RBPJ: variants seen among roughly 807,000 people sequenced by gnomAD.
RBPJ encodes the protein recombining binding protein suppressor of hairless.
Under a neutral mutation model 67.8 loss-of-function variants are expected in RBPJ, and 9 were observed. That is an observed-to-expected ratio of 0.13 (90% confidence interval 0.08 to 0.23). RBPJ has a LOEUF of 0.23. Among genes scored for constraint, RBPJ ranks in the 10% least tolerant of loss-of-function variants. RBPJ has a pLI of 1.00. For missense variants in RBPJ, 305 were observed against 595.6 expected (o/e 0.51, Z 5.08); for synonymous variants, 198 against 203.3 (o/e 0.97, Z 0.22).
chr4:26,187,469 G>A (rs569905369), intron 1 of RBPJ, among the ~76,000 whole-genome samples: 87 of 151,586 alleles, frequency 5.7e-4, no homozygotes, highest in African/African-American at 1.9e-3. Context: ...ACATCTTCTC[G>A]AAGTAAGTAT....
chr4:26,323,265 T>C (rs1256404113), intron 1 of RBPJ, among the ~76,000 whole-genome samples: 1 of 152,118 alleles, frequency 6.6e-6, no homozygotes, highest in Non-Finnish European at 1.5e-5. Flanking sequence ...AGGTAAAATC[T>C]TGAGCTCACT....
intron 1 of RBPJ, among the ~76,000 whole-genome samples, chr4:26,346,538 A>G (rs1429710974): frequency 2.0e-5 from 3 of 152,208 alleles, no homozygotes; most frequent in East Asian, 3.8e-4. Flanking sequence ...GCTGACATCT[A>G]TGTCTGTAGC....
intron 1 of RBPJ, among the ~76,000 whole-genome samples, chr4:26,286,023 G>A (rs1721451948): frequency 1.4e-5 from 1 of 73,600 alleles, no homozygotes. Context: ...ACTTGCTTGA[G>A]CCCAGGAATT....
At chr4:26,290,211 T>C (rs1721621100) in intron 1 of RBPJ, among the ~76,000 whole-genome samples, 1 of 147,932 alleles carries the variant, frequency 6.8e-6, no homozygotes, top group South Asian at 2.1e-4. Flanking sequence ...TGGTGGTACA[T>C]GCCTGTAGTC....
the RBPJ span, among the ~76,000 whole-genome samples, chr4:26,108,844 A>G: frequency 6.6e-6 from 1 of 152,212 alleles, no homozygotes; most frequent in African/African-American, 2.4e-5. Context: ...GTGGCTTTGC[A>G]CACAGTGTGT....
At chr4:26,410,104 G>T (rs1179683348) in intron 3 of RBPJ, 3 of 451,800 alleles carry the variant, frequency 6.6e-6, no homozygotes, top group Non-Finnish European at 1.3e-5. Context: ...AAACTGCCCT[G>T]GATTCAGAGA....
chr4:26,374,073 C>T (rs958819821), intron 1 of RBPJ, among the ~76,000 whole-genome samples: 5 of 151,996 alleles, frequency 3.3e-5, no homozygotes, highest in Admixed American at 1.3e-4. Context: ...TGCCCGCCAC[C>T]GGCTTACAGG....
At chr4:26,215,331 G>C (rs879667814) in intron 1 of RBPJ, among the ~76,000 whole-genome samples, 1 of 40,230 alleles carries the variant, frequency 2.5e-5, no homozygotes, top group Non-Finnish European at 4.2e-5. Context: ...GAAAGAAAAA[G>C]AGAGAGAGAA....
chr4:26,236,465 GCATT>G (rs1371684547), intron 1 of RBPJ, among the ~76,000 whole-genome samples: 1 of 152,168 alleles, frequency 6.6e-6, no homozygotes, highest in East Asian at 1.9e-4. Context: ...GCTGGGGTCT[GCATT>G]CATCTGAAAG....
chr4:26,213,151 T>C (rs1250752464), intron 1 of RBPJ, among the ~76,000 whole-genome samples: 1 of 152,194 alleles, frequency 6.6e-6, no homozygotes, highest in African/African-American at 2.4e-5. Flanking sequence ...GGAGAGGTCA[T>C]GAGAACCCCA....
rs571924895 is a variant in RBPJ at position 26,353,126 on chromosome 4, C to T, written c.20+32078C>T. ...CACTTGTATATTTTCAGCCTTTTTTCTTAAAATATTCACCTGTTGCTAAGG... is the reference window on the plus strand; with the variant it reads ...CACTTGTATATTTTCAGCCTTTTTTTTTAAAATATTCACCTGTTGCTAAGG... On this transcript the variant is annotated intron_variant, in intron 1 of 10. Coordinates refer to ENST00000355476, the MANE Select transcript of RBPJ (RefSeq NM_015874.6). 2.6e-5 allele frequency among the ~76,000 whole-genome samples: 4 copies of T among 152,256 alleles called. No homozygotes were observed. The South Asian group carries it at 8.3e-4, about 32-fold the overall frequency.
intron 1 of RBPJ, among the ~76,000 whole-genome samples, chr4:26,223,553 G>A (rs937843112): frequency 1.3e-5 from 2 of 152,254 alleles, no homozygotes; most frequent in Non-Finnish European, 2.9e-5. Context: ...AATACAGCAA[G>A]CCAGAAGCAG....
intron 1 of RBPJ, among the ~76,000 whole-genome samples, chr4:26,279,028 A>AAAT (rs1721171410): frequency 6.6e-6 from 1 of 152,248 alleles, no homozygotes; most frequent in Non-Finnish European, 1.5e-5. Context: ...AAAGTGGAGA[A>AAAT]AATAACAGTA....
intron 1 of RBPJ, among the ~76,000 whole-genome samples, chr4:26,172,712 C>G (rs903292694): frequency 6.6e-6 from 1 of 152,072 alleles, no homozygotes; most frequent in African/African-American, 2.4e-5. Context: ...GAACTGTGCC[C>G]GATAGATGGT....
chr4:26,336,519 G>A (rs1428218303), intron 1 of RBPJ, among the ~76,000 whole-genome samples: 14 of 152,020 alleles, frequency 9.2e-5, no homozygotes, highest in Admixed American at 7.9e-4. Context: ...CAAGTGTTGC[G>A]TGTGTCTGTA....
chr4:26,294,223 G>A (rs937036194), intron 1 of RBPJ, among the ~76,000 whole-genome samples: 5 of 151,452 alleles, frequency 3.3e-5, no homozygotes, highest in Non-Finnish European at 5.9e-5. Flanking sequence ...TCAGCCTCCC[G>A]AGTAGCTGGG....
chr4:26,225,673 A>G (rs1267740094), intron 1 of RBPJ, among the ~76,000 whole-genome samples: 1 of 152,150 alleles, frequency 6.6e-6, no homozygotes, highest in Non-Finnish European at 1.5e-5. Flanking sequence ...GCAAAATGTT[A>G]ATAATAGGGG....
chr4:26,282,418 G>C (rs1721305563), intron 1 of RBPJ, among the ~76,000 whole-genome samples: 2 of 151,774 alleles, frequency 1.3e-5, no homozygotes, highest in Admixed American at 1.3e-4. Context: ...AAATAAACTG[G>C]TGCACCCACA....
chr4:26,407,115 T>C (rs755164203), intron 3 of RBPJ, among the ~76,000 whole-genome samples: 3 of 152,256 alleles, frequency 2.0e-5, no homozygotes, highest in East Asian at 1.9e-4. Context: ...GAAATACTTA[T>C]GTGATACATT....
Sources: gnomAD v4.1 joint callset for allele counts (sites outside exome capture counted in the v4.1 genomes callset) on GRCh38, gnomAD v4.1.1 for gene constraint, MANE v1.5 for transcripts, NCBI Gene and HGNC (gene_info 2026-07-23, HGNC 2026-07-21) for gene names.